The following TRPV4 variants were observed in gnomAD, a reference collection of about 807,000 sequenced individuals.
The protein encoded by TRPV4 is transient receptor potential cation channel subfamily V member 4.
In TRPV4, 58 loss-of-function variants were observed where a neutral mutation model predicts 84.1. The observed-to-expected ratio is 0.69, with a 90% CI of 0.56 to 0.86. The LOEUF (loss-of-function observed/expected upper bound fraction) is 0.86. Ranked by LOEUF, TRPV4 falls within the 40% of genes least tolerant of loss-of-function variation. The pLI, the probability that TRPV4 is intolerant of heterozygous loss-of-function variation, is 0.00. For synonymous variants in TRPV4, 489 were observed against 500.9 expected (o/e 0.98, Z 0.32); for missense variants, 879 against 1,181.1 (o/e 0.74, Z 3.75).
chr12:109,816,003 AGGGT>A (rs1891825795), intron 1 of TRPV4, among the ~76,000 whole-genome samples: 3 of 152,226 alleles, frequency 2.0e-5, no homozygotes, highest in Admixed American at 2.0e-4. Context: ...CTGGGCACCA[AGGGT>A]GAGTTTCCTG....
In TRPV4 at chr12:109,794,448, GTTC is replaced by G; in HGVS notation, c.1369_1371del (p.Glu457del). 1 of 1,614,080 alleles carries G rather than the reference GTTC, an allele frequency of 6.2e-7. No homozygotes were observed. The highest frequency in any genetic ancestry group is 2.2e-5 in the East Asian group (1 of 44,870). On this transcript the variant is annotated inframe_deletion, in exon 8 of 16. Transcript: ENST00000261740. ...AACTTGCGCCACTTGTCCCGCAGCA[GTTC>G]ATTGATGGGCTCCACAGCCAGCATC...
chr12:109,783,706 G>A lies in TRPV4; in HGVS notation c.2531C>T (p.Pro844Leu). Residue 844 changes from proline to leucine, a missense_variant, in exon 16 of 16, where the codon CCT becomes CTT. Pro to Leu is a moderately conservative substitution (Grantham distance 98). This residue lies in a region of TRPV4 where 242 missense variants were observed against 355.3 expected (regional missense o/e 0.68). Transcript: ENST00000261740. This position sits in a 1 kb window ranked among gnomAD's most constrained non-coding sequence, Gnocchi z 4.6. ...GCGGGGGTTCCCCATGCTGTCCAGAGGCACCACCACCTCGTCCGGGTTCGA... is the reference window on the plus strand; with the variant it reads ...GCGGGGGTTCCCCATGCTGTCCAGAAGCACCACCACCTCGTCCGGGTTCGA... ...KNSNPDEVVV[P>L]LDSMGNPRCD... is the part of the protein sequence containing the mutation. 6.2e-7 allele frequency: 1 copy of A among 1,613,844 alleles called. No homozygotes were observed. The highest frequency in any genetic ancestry group is 8.5e-7 in the Non-Finnish European group (1 of 1,180,000).
At chr12:109,802,301 G>A (rs1174174531) in intron 4 of TRPV4, among the ~76,000 whole-genome samples, 1 of 144,592 alleles carries the variant, frequency 6.9e-6, no homozygotes, top group Non-Finnish European at 1.5e-5. Context: ...GGCTTTTTTT[G>A]CATCTTTTTT....
At chr12:109,794,578 AC>A in intron 7 of TRPV4, 91 bp from the exon 8 acceptor site, 1 of 1,348,336 alleles carries the variant, frequency 7.4e-7, no homozygotes, top group Admixed American at 1.7e-5. Context: ...CCCACCCTCC[AC>A]CCGGACAGCG....
At chr12:109,789,166 T>C (rs544099704) in intron 12 of TRPV4, among the ~76,000 whole-genome samples, 2 of 151,560 alleles carry the variant, frequency 1.3e-5, no homozygotes, top group South Asian at 4.2e-4. Flanking sequence ...CCAGGGAGGG[T>C]CTCAGTTTTT....
intron 6 of TRPV4, among the ~76,000 whole-genome samples, chr12:109,797,673 G>T (rs990322891): frequency 2.0e-5 from 3 of 152,146 alleles, no homozygotes; most frequent in Non-Finnish European, 2.9e-5. Flanking sequence ...TGGTATAATT[G>T]CAATTTTAGT....
At chr12:109,792,992 A>T (rs1403298280) in intron 10 of TRPV4, among the ~76,000 whole-genome samples, 175 bp from the exon 11 acceptor site, 1 of 152,348 alleles carries the variant, frequency 6.6e-6, no homozygotes, top group East Asian at 1.9e-4. Context: ...TGTTAACAAG[A>T]ACATTCAATT....
intron 2 of TRPV4, among the ~76,000 whole-genome samples, chr12:109,810,357 G>A (rs777419007): frequency 6.6e-6 from 1 of 152,180 alleles, no homozygotes; most frequent in Admixed American, 6.5e-5. Context: ...GAGAGTAGGG[G>A]AACAGAGAAA....
rs1214513737 is a variant in TRPV4, at chr12:109,798,936, G to A, written c.854-24C>T. The A allele has an allele frequency of 1.9e-6, 3 of 1,598,730 alleles. No homozygotes were observed. The highest frequency in any genetic ancestry group is 3.3e-5 in the Admixed American group (2 of 59,736). On this transcript the variant is annotated intron_variant, in intron 5 of 15. Transcript: ENST00000261740. This position sits in a 1 kb window ranked among gnomAD's most constrained non-coding sequence, Gnocchi z 5.0. ...CCCTGCGGGCCAGGGTGAAGGGTGG[G>A]AGGTCAGCGAAGGGGGCCCAGGGTG...
rs1186445597 is a variant in TRPV4 at position 109,820,514 on chromosome 12, C to CTTTTTTTTTTTTTTTTT, written c.-31-5688_-31-5687insAAAAAAAAAAAAAAAAA. Among the ~76,000 whole-genome samples the CTTTTTTTTTTTTTTTTT allele has an allele frequency of 5.4e-4, 67 of 123,116 alleles. 9 individuals carry two copies. The highest frequency in any genetic ancestry group is 2.8e-3 in the East Asian group (9 of 3,210). 80.8% of individuals were successfully genotyped at this position (123,116 alleles called of 152,430 possible). ...CTGATCTTCACTTTCTTCAGCTGCC[C>CTTTTTTTTTTTTTTTTT]TATTTTTTTTTTTTTTTTTTTTTTT... On this transcript the variant is annotated intron_variant, in intron 1 of 15. Coordinates refer to ENST00000261740, the MANE Select transcript of TRPV4 (RefSeq NM_021625.5).
intron 8 of TRPV4, 70 bp downstream of exon 8, chr12:109,794,259 G>T: frequency 6.3e-7 from 1 of 1,584,774 alleles, no homozygotes; most frequent in Non-Finnish European, 8.6e-7. Context: ...GAAGGATGAG[G>T]TTGTGCCCCA....
At chr12:109,791,066 C>T (rs980940896) in intron 12 of TRPV4, among the ~76,000 whole-genome samples, 5 of 152,180 alleles carry the variant, frequency 3.3e-5, no homozygotes, top group African/African-American at 7.2e-5. Flanking sequence ...CACAGCCACC[C>T]AGCTGACCCA....
At chr12:109,784,515 T>G (rs552233779) in intron 14 of TRPV4, 78 bp from the exon 15 acceptor site, 1 of 1,604,916 alleles carries the variant, frequency 6.2e-7, no homozygotes, top group South Asian at 1.1e-5. Context: ...CACACCCTCC[T>G]ATTTTTTTAT....
chr12:109,825,199 T>A (rs1358940884), intron 1 of TRPV4, among the ~76,000 whole-genome samples: 1 of 152,014 alleles, frequency 6.6e-6, no homozygotes, highest in Non-Finnish European at 1.5e-5. Context: ...TAAATTTATT[T>A]ATTTTTTAAA....
In TRPV4 at chr12:109,796,787, C is replaced by T; in HGVS notation, c.1153-83G>A. The T allele has an allele frequency of 7.0e-7, 1 of 1,427,356 alleles. No individual in the cohort carries two copies. The highest frequency in any genetic ancestry group is 9.4e-7 in the Non-Finnish European group (1 of 1,060,036). The allele number at this position is 1,427,356 out of a possible 1,614,324, so 88.4% of individuals were successfully genotyped here. On this transcript the variant is annotated intron_variant, in intron 6 of 15. Transcript: ENST00000261740. The surrounding 1 kb of genome is among the most constrained non-coding windows in gnomAD (Gnocchi z 4.2). ...GCCCAGCTCAGCACATGACGCCTCC[C>T]CAGAAAACAGCTAAGCACCGGCTGC... is the stretch of plus-strand genomic sequence containing the variant.
At chr12:109,828,979 A>C (rs950840828) in intron 1 of TRPV4, among the ~76,000 whole-genome samples, 3 of 152,136 alleles carry the variant, frequency 2.0e-5, no homozygotes, top group Non-Finnish European at 4.4e-5. Flanking sequence ...GAGCTCTGGA[A>C]TTCCAGACCA....
intron 1 of TRPV4, among the ~76,000 whole-genome samples, chr12:109,823,402 C>A (rs1892164754): frequency 6.6e-6 from 1 of 152,200 alleles, no homozygotes; most frequent in African/African-American, 2.4e-5. Context: ...ATTCTGCAAG[C>A]CCTTGGCTGG....
At chr12:109,801,760 G>A (rs1431524325) in intron 4 of TRPV4, among the ~76,000 whole-genome samples, 1 of 152,064 alleles carries the variant, frequency 6.6e-6, no homozygotes, top group Non-Finnish European at 1.5e-5. Context: ...AGCCCAGGAA[G>A]TCAAGGCTGC....
chr12:109,823,352 C>T (rs886711769), intron 1 of TRPV4, among the ~76,000 whole-genome samples: 6 of 152,230 alleles, frequency 3.9e-5, no homozygotes, highest in African/African-American at 9.6e-5. Context: ...CCGCGCCCCA[C>T]GGAGGGCAAG....
Sources: gnomAD v4.1 joint callset for allele counts (sites outside exome capture counted in the v4.1 genomes callset) on GRCh38, gnomAD v4.1.1 for gene constraint, gnomAD v4.1.1 regional missense constraint, Gnocchi (gnomAD v3.1) non-coding constraint, MANE v1.5 for transcripts, NCBI Gene and HGNC (gene_info 2026-07-23, HGNC 2026-07-21) for gene names.